Variants in NDST3 observed in about 807,000 individuals in gnomAD.
The protein encoded by NDST3 is bifunctional heparan sulfate N-deacetylase/N-sulfotransferase 3.
In NDST3, 58 loss-of-function variants were observed where a neutral mutation model predicts 96.1. The ratio of observed to expected loss-of-function variants is 0.60; its 90% CI spans 0.49 to 0.75. NDST3 has a LOEUF of 0.75. NDST3 is among the 30% of genes least tolerant of loss of function. NDST3 has a pLI of 0.00. For missense variants in NDST3, 788 were observed against 1,034.2 expected (o/e 0.76, Z 3.27); for synonymous variants, 333 against 359.7 (o/e 0.93, Z 0.84).
In NDST3 at chr4:118,183,003, G is replaced by T. The variant is rs564415815; in HGVS notation, c.1539+39319G>T. 2.0e-5 allele frequency among the ~76,000 whole-genome samples: 3 copies of T among 152,190 alleles called. No individual in the cohort carries two copies. The South Asian group carries it at 6.2e-4, about 32-fold the overall frequency. ...TGCAAGGGAAGGGATCAGAAAATAA[G>T]ACTACTCATACCAAACAAACAAACA... On this transcript the variant is annotated intron_variant, in intron 6 of 13. Coordinates refer to ENST00000296499, the MANE Select transcript of NDST3 (RefSeq NM_004784.3).
chr4:118,138,098 C>T lies in NDST3; in HGVS notation c.1269C>T (p.His423=), dbSNP rs1029263556. 5.0e-6 allele frequency: 8 copies of T among 1,613,290 alleles called. No homozygotes were observed. The African/African-American group carries it at 8.0e-5, about 16-fold the overall frequency. The change falls in exon 5 of 14, where the codon CAC becomes CAT. Residue 423 remains histidine (H), a synonymous_variant. Coordinates refer to ENST00000296499, the MANE Select transcript of NDST3 (RefSeq NM_004784.3). The part of the protein sequence containing the change: ...PTDMGYAVAP[H]HSGVYPVHVQ... ...ACATGGGCTACGCTGTGGCCCCTCA[C>T]CATTCGGGCGTCTACCCTGTACATG...
intron 3 of NDST3, among the ~76,000 whole-genome samples, chr4:118,106,560 G>T (rs151263434): frequency 6.6e-6 from 1 of 152,072 alleles, no homozygotes; most frequent in Non-Finnish European, 1.5e-5. Flanking sequence ...GGCTGGCAAT[G>T]TATAAATCTG....
At chr4:118,078,572 G>A (rs896581545) in intron 2 of NDST3, among the ~76,000 whole-genome samples, 6 of 151,972 alleles carry the variant, frequency 3.9e-5, no homozygotes, top group African/African-American at 1.5e-4. Flanking sequence ...CCAACATGGT[G>A]AAACCCTGTC....
chr4:118,126,537 C>CATATATATATATACACATATAT (rs1266387343), intron 4 of NDST3, among the ~76,000 whole-genome samples: 1,108 of 20,272 alleles, frequency 0.055, 20 homozygotes, highest in African/African-American at 0.079. Flanking sequence ...TATATATACA[C>CATATATATATATACACATATAT]ATATATATAT....
chr4:118,057,011 T>A (rs1292184966), intron 2 of NDST3, among the ~76,000 whole-genome samples: 3 of 151,902 alleles, frequency 2.0e-5, no homozygotes, highest in Non-Finnish European at 2.9e-5. Context: ...ATTGATGTGA[T>A]GATTTGGAAA....
intron 4 of NDST3, among the ~76,000 whole-genome samples, chr4:118,116,722 G>A (rs918951502): frequency 6.6e-6 from 1 of 152,052 alleles, no homozygotes; most frequent in Non-Finnish European, 1.5e-5. Context: ...GCCAGGTGTG[G>A]TGGCGGGCGC....
intron 1 of NDST3, among the ~76,000 whole-genome samples, chr4:118,047,460 G>A (rs1724835390): frequency 6.6e-6 from 1 of 152,154 alleles, no homozygotes; most frequent in South Asian, 2.1e-4. Context: ...GGCAAGAAAG[G>A]TTGAGATTCA....
rs554292184 is a variant in NDST3 at position 118,195,832 on chromosome 4, C to G, written c.1540-28659C>G. Among the ~76,000 whole-genome samples, 7 of 152,212 alleles carry G rather than the reference C, an allele frequency of 4.6e-5. No individual in the cohort carries two copies. The South Asian group carries it at 1.5e-3, about 32-fold the overall frequency. On this transcript the variant is annotated intron_variant, in intron 6 of 13. Coordinates refer to ENST00000296499, the MANE Select transcript of NDST3 (RefSeq NM_004784.3). Reference sequence around the variant, plus strand: ...ACTTCTTCCTTTCCAGTTGGATGCCCTTTATTTCTTCCTCTTGTCTGATTG... The same window carrying G: ...ACTTCTTCCTTTCCAGTTGGATGCCGTTTATTTCTTCCTCTTGTCTGATTG...
At chr4:118,048,335 C>G (rs1724885371) in intron 1 of NDST3, among the ~76,000 whole-genome samples, 1 of 152,148 alleles carries the variant, frequency 6.6e-6, no homozygotes, top group Middle Eastern at 3.4e-3. Context: ...TTCATAACAA[C>G]CAGCTAACAA....
chr4:118,226,028 C>G (rs934284029), intron 7 of NDST3, among the ~76,000 whole-genome samples: 5 of 151,444 alleles, frequency 3.3e-5, no homozygotes, highest in African/African-American at 9.7e-5. Flanking sequence ...AAAAAGAATA[C>G]TCTCACTTTA....
intron 6 of NDST3, among the ~76,000 whole-genome samples, chr4:118,150,778 C>T (rs1734335850): frequency 6.6e-6 from 1 of 151,784 alleles, no homozygotes; most frequent in South Asian, 2.1e-4. Flanking sequence ...AACACTTTTA[C>T]ACTGTTGGTG....
chr4:118,080,068 C>G (rs1420170290), intron 2 of NDST3, among the ~76,000 whole-genome samples: 1 of 152,122 alleles, frequency 6.6e-6, no homozygotes, highest in Non-Finnish European at 1.5e-5. Context: ...ACCTGATCCT[C>G]TGTATCAATT....
chr4:118,066,233 T>A (rs1300231417), intron 2 of NDST3, among the ~76,000 whole-genome samples: 6 of 60,956 alleles, frequency 9.8e-5, no homozygotes, highest in African/African-American at 3.4e-4. Context: ...ATTATATATA[T>A]TATATATTAT....
Position 118,054,432 on chromosome 4 carries a change from C to T in NDST3, c.522C>T (p.Ser174=). 3 of 1,612,952 alleles carry T rather than the reference C, an allele frequency of 1.9e-6. No individual in the cohort carries two copies. The South Asian group carries it at 3.3e-5, about 18-fold the overall frequency. ...AAACTAGTGAGAAGAGTGTACAGAG[C>T]TTTCAGTTAAAAGGTTTCCCTTTTT... is the stretch of plus-strand genomic sequence containing the variant. ...FHKTSEKSVQ[S]FQLKGFPFSI... is the part of the protein sequence containing the mutation. The change falls in exon 2 of 14, where the codon AGC becomes AGT. Residue 174 remains serine, a synonymous_variant. Transcript: ENST00000296499.
chr4:118,117,550 TATA>T (rs1484474844), intron 4 of NDST3, among the ~76,000 whole-genome samples: 3 of 152,194 alleles, frequency 2.0e-5, no homozygotes, highest in Admixed American at 1.3e-4. Flanking sequence ...ACTTTAAAGA[TATA>T]ATAAGAAAAG....
At chr4:118,184,276 T>C (rs1367522570) in intron 6 of NDST3, among the ~76,000 whole-genome samples, 1 of 152,168 alleles carries the variant, frequency 6.6e-6, no homozygotes, top group African/African-American at 2.4e-5. Flanking sequence ...CAAATATTAT[T>C]CTAGGTGTTT....
At position 118,256,947 on chromosome 4, in the gene NDST3, C is replaced by T. The variant is rs983988800; in HGVS notation, c.*1235C>T. The T allele has an allele frequency of 6.6e-6, 1 of 152,132 alleles. No homozygotes were observed. Among genetic ancestry groups the T allele is most frequent in the Non-Finnish European group, 1.5e-5 (1 of 68,036 alleles). 9.4% of individuals were successfully genotyped at this position (152,132 alleles called of 1,614,324 possible). A position where few individuals can be genotyped will look rare whatever the true frequency, so the allele number is the denominator to read the frequency against. On this transcript the variant is annotated 3_prime_UTR_variant, in exon 14 of 14. Transcript: ENST00000296499. ...ATTTTTGAAAATATTTCACCCATCA[C>T]TCTGGTGGAAGTAACAGATCATAGG...
intron 6 of NDST3, among the ~76,000 whole-genome samples, chr4:118,218,307 A>T (rs1739318898): frequency 6.6e-6 from 1 of 152,168 alleles, no homozygotes; most frequent in Non-Finnish European, 1.5e-5. Context: ...AATACTGACA[A>T]ACCAGATCCA....
intron 8 of NDST3, among the ~76,000 whole-genome samples, chr4:118,230,569 C>G (rs1484399517): frequency 3.4e-5 from 5 of 148,972 alleles, no homozygotes; most frequent in African/African-American, 5.0e-5. Flanking sequence ...AGCGAGACTC[C>G]GTTTCAAAAA....
Sources: allele counts gnomAD v4.1 joint callset (sites outside exome capture counted in the v4.1 genomes callset), GRCh38; gene constraint gnomAD v4.1.1; transcripts MANE v1.5; gene names NCBI Gene and HGNC (gene_info 2026-07-23, HGNC 2026-07-21).